KCND2: variants seen among roughly 807,000 people sequenced by gnomAD.
KCND2 encodes the protein potassium voltage-gated channel subfamily D member 2.
A neutral mutation model predicts 54.4 loss-of-function variants in KCND2; 16 were observed. The observed-to-expected ratio is 0.29, with a 90% CI of 0.20 to 0.45. KCND2 has a LOEUF of 0.45. KCND2 is among the 20% of genes least tolerant of loss of function. The pLI is 1.00. For missense variants in KCND2, 486 were observed against 824.2 expected (o/e 0.59, Z 5.02); for synonymous variants, 317 against 310.7 (o/e 1.02, Z -0.21).
chr7:120,367,941 T>A (rs1184921738), intron 1 of KCND2, among the ~76,000 whole-genome samples: 1 of 152,092 alleles, frequency 6.6e-6, no homozygotes, highest in East Asian at 1.9e-4. Context: ...TCCTTTGGGA[T>A]CTTTGTTGCC....
intron 1 of KCND2, among the ~76,000 whole-genome samples, chr7:120,487,603 T>A (rs185364067): frequency 2.6e-4 from 40 of 152,242 alleles, no homozygotes; most frequent in Non-Finnish European, 4.4e-5. Context: ...CTTGTTCTTC[T>A]CCCTCTGTCT....
chr7:120,697,615 T>C (rs1584887803), intron 1 of KCND2, among the ~76,000 whole-genome samples: 1 of 152,128 alleles, frequency 6.6e-6, no homozygotes, highest in East Asian at 1.9e-4. Context: ...GGATATAAAA[T>C]GCAAAAATGT....
At chr7:120,633,208 G>A (rs1793261275) in intron 1 of KCND2, among the ~76,000 whole-genome samples, 2 of 152,134 alleles carry the variant, frequency 1.3e-5, no homozygotes, top group African/African-American at 4.8e-5. Context: ...TACTGCTTTT[G>A]TAACCAATTG....
intron 1 of KCND2, among the ~76,000 whole-genome samples, chr7:120,516,160 C>T (rs1803193816): frequency 6.6e-6 from 1 of 152,066 alleles, no homozygotes; most frequent in African/African-American, 2.4e-5. Flanking sequence ...AAATTAAAGA[C>T]TTTTCCTTTT....
At chr7:120,283,959 G>A (rs1266393741) in intron 1 of KCND2, among the ~76,000 whole-genome samples, 1 of 152,056 alleles carries the variant, frequency 6.6e-6, no homozygotes, top group Non-Finnish European at 1.5e-5. Context: ...GATGTGTGAT[G>A]AAAACTTGCA....
At chr7:120,344,002 A>G (rs1015872685) in intron 1 of KCND2, among the ~76,000 whole-genome samples, 3 of 152,176 alleles carry the variant, frequency 2.0e-5, no homozygotes, top group Non-Finnish European at 4.4e-5. Context: ...AAGCAGTCAG[A>G]TGATTTTTCC....
At chr7:120,408,243 G>A (rs1029565158) in intron 1 of KCND2, among the ~76,000 whole-genome samples, 12 of 151,990 alleles carry the variant, frequency 7.9e-5, no homozygotes, top group Admixed American at 7.9e-4. Context: ...GAACAAAAGA[G>A]GAGCAGAATG....
intron 1 of KCND2, among the ~76,000 whole-genome samples, chr7:120,675,581 A>C (rs979177933): frequency 1.3e-5 from 2 of 152,064 alleles, no homozygotes; most frequent in Non-Finnish European, 2.9e-5. Context: ...TATATGAAGC[A>C]TATGCCCAAT....
At chr7:120,343,530 A>T (rs2116369733) in intron 1 of KCND2, among the ~76,000 whole-genome samples, 1 of 152,318 alleles carries the variant, frequency 6.6e-6, no homozygotes, top group Non-Finnish European at 1.5e-5. Context: ...CAATGTAATT[A>T]GTCTGAAGAG....
intron 1 of KCND2, among the ~76,000 whole-genome samples, chr7:120,411,015 A>G (rs1486019176): frequency 6.6e-6 from 1 of 151,974 alleles, no homozygotes; most frequent in African/African-American, 2.4e-5. Context: ...TACAGAAGAC[A>G]TGATTGTATA....
chr7:120,742,468 CAAATA>C (rs953604103), intron 3 of KCND2, 37 bp from the exon 4 acceptor site: 1 of 1,514,796 alleles, frequency 6.6e-7, no homozygotes, highest in African/African-American at 1.4e-5. Flanking sequence ...GAGTTGTTTG[CAAATA>C]AAATAGAAAG....
intron 1 of KCND2, among the ~76,000 whole-genome samples, chr7:120,600,557 G>A (rs752002637): frequency 3.9e-5 from 6 of 151,948 alleles, no homozygotes; most frequent in Non-Finnish European, 5.9e-5. Context: ...TCTACTAAGT[G>A]TCCATTCAAA....
chr7:120,391,595 G>A (rs1450010886), intron 1 of KCND2, among the ~76,000 whole-genome samples: 1 of 151,870 alleles, frequency 6.6e-6, no homozygotes, highest in Non-Finnish European at 1.5e-5. Flanking sequence ...CCAGACTTTT[G>A]AATGATCACC....
Position 120,475,323 on chromosome 7 carries a change from A to T in KCND2, c.1115+199576A>T, listed in dbSNP as rs75679601. Among the ~76,000 whole-genome samples the T allele has an allele frequency of 1.9e-3, 286 of 152,336 alleles. 10 individuals are homozygous for T. In the East Asian group the frequency reaches 0.049, roughly 26 times the overall value. Reference sequence around the variant, plus strand: ...TGATAAAGTTAACTAACATTTGTTGAGTGACTACCATGCACATTGTACTTT... The same window carrying T: ...TGATAAAGTTAACTAACATTTGTTGTGTGACTACCATGCACATTGTACTTT... On this transcript the variant is annotated intron_variant, in intron 1 of 5. Transcript: ENST00000331113.
intron 1 of KCND2, among the ~76,000 whole-genome samples, chr7:120,637,894 C>G (rs76315408): frequency 1.3e-5 from 2 of 151,830 alleles, no homozygotes; most frequent in African/African-American, 4.8e-5. Context: ...GAAGACCCAG[C>G]GGAATCCTTA....
At chr7:120,460,377 T>C (rs997243675) in intron 1 of KCND2, among the ~76,000 whole-genome samples, 3 of 152,166 alleles carry the variant, frequency 2.0e-5, no homozygotes, top group Non-Finnish European at 4.4e-5. Flanking sequence ...ACGGAGCTTA[T>C]ATCCAAACTC....
At chr7:120,524,053 T>G (rs1308126243) in intron 1 of KCND2, among the ~76,000 whole-genome samples, 1 of 151,704 alleles carries the variant, frequency 6.6e-6, no homozygotes, top group African/African-American at 2.4e-5. Flanking sequence ...CTGTGCAACA[T>G]GGTGAAACCC....
intron 1 of KCND2, among the ~76,000 whole-genome samples, chr7:120,546,791 T>C (rs1792047717): frequency 6.6e-6 from 1 of 152,028 alleles, no homozygotes; most frequent in Non-Finnish European, 1.5e-5. Context: ...AAACACAATA[T>C]AGATTTTAAG....
chr7:120,742,649 C>G (rs777358750), intron 4 of KCND2, 47 bp downstream of exon 4: 8 of 1,435,034 alleles, frequency 5.6e-6, no homozygotes, highest in Non-Finnish European at 7.9e-6. Flanking sequence ...GACAGTAATT[C>G]CATTTGCTTT....
Sources: allele counts gnomAD v4.1 joint callset (sites outside exome capture counted in the v4.1 genomes callset), GRCh38; gene constraint gnomAD v4.1.1; transcripts MANE v1.5; gene names NCBI Gene and HGNC (gene_info 2026-07-23, HGNC 2026-07-21).